RAB2A: variants seen among roughly 807,000 people sequenced by gnomAD.
The protein encoded by RAB2A is RAB2A, member RAS oncogene family, also known as ras-related protein Rab-2A.
A neutral mutation model predicts 32.5 loss-of-function variants in RAB2A; 7 were observed. The ratio of observed to expected loss-of-function variants is 0.22; its 90% CI spans 0.12 to 0.40. The LOEUF is 0.40. Ranked by LOEUF, RAB2A falls within the 10% of genes least tolerant of loss-of-function variation. RAB2A has a pLI of 1.00. For missense variants in RAB2A, 108 were observed against 260.7 expected, an observed-to-expected ratio of 0.41 and a Z score of 4.03; for synonymous variants, 79 against 85.2, an observed-to-expected ratio of 0.93 and a Z score of 0.40.
chr8:60,554,905 G>A (rs528569562), intron 1 of RAB2A, among the ~76,000 whole-genome samples: 5 of 152,246 alleles, frequency 3.3e-5, no homozygotes, highest in East Asian at 3.9e-4. Flanking sequence ...GACTGGATTC[G>A]TCCTCTCAAA....
At chr8:60,560,304 G>T (rs995932348) in intron 2 of RAB2A, among the ~76,000 whole-genome samples, 9 of 152,246 alleles carry the variant, frequency 5.9e-5, no homozygotes, top group African/African-American at 2.2e-4. Context: ...GCCCAAGCTG[G>T]TTTCGCACTC....
intron 7 of RAB2A, among the ~76,000 whole-genome samples, chr8:60,619,906 G>T (rs1804502851): frequency 6.6e-6 from 1 of 152,230 alleles, no homozygotes. Flanking sequence ...CATAGGGCAT[G>T]CTTTTTATTA....
At chr8:60,601,778 G>A (rs1403522463) in intron 6 of RAB2A, among the ~76,000 whole-genome samples, 2 of 152,180 alleles carry the variant, frequency 1.3e-5, no homozygotes, top group African/African-American at 4.8e-5. Context: ...TAAGTAAAAG[G>A]CATTTTTAGG....
At chr8:60,590,463 C>T (rs1279559623) in intron 5 of RAB2A, among the ~76,000 whole-genome samples, 1 of 147,992 alleles carries the variant, frequency 6.8e-6, no homozygotes, top group Non-Finnish European at 1.5e-5. Context: ...CATAGTGAGA[C>T]TTTGTCTCTG....
intron 1 of RAB2A, among the ~76,000 whole-genome samples, chr8:60,553,997 T>G (rs1307437627): frequency 2.6e-5 from 4 of 152,218 alleles, no homozygotes; most frequent in African/African-American, 7.2e-5. Context: ...GACAATGGTT[T>G]GTTGTTGCTA....
At chr8:60,612,779 T>C (rs1804373596) in intron 6 of RAB2A, among the ~76,000 whole-genome samples, 1 of 152,178 alleles carries the variant, frequency 6.6e-6, no homozygotes, top group Non-Finnish European at 1.5e-5. Flanking sequence ...AGAAACTGTA[T>C]GAGAGAAGTA....
At chr8:60,529,423 G>A (rs975203630) in intron 1 of RAB2A, among the ~76,000 whole-genome samples, 1 of 152,170 alleles carries the variant, frequency 6.6e-6, no homozygotes, top group Non-Finnish European at 1.5e-5. Flanking sequence ...GATTTTTCTT[G>A]TTCTTCTGTC....
intron 3 of RAB2A, among the ~76,000 whole-genome samples, chr8:60,578,923 G>A (rs1048424313): frequency 1.1e-4 from 17 of 152,198 alleles, no homozygotes; most frequent in African/African-American, 2.9e-4. Context: ...CAAATGTTCC[G>A]TGACTTTAAT....
chr8:60,620,182 T>C (rs905773319), intron 7 of RAB2A, among the ~76,000 whole-genome samples: 9 of 152,346 alleles, frequency 5.9e-5, no homozygotes, highest in Non-Finnish European at 1.0e-4. Context: ...AGAACTACTC[T>C]GTGTGTGGGT....
At chr8:60,590,702 A>G (rs1017150177) in intron 5 of RAB2A, among the ~76,000 whole-genome samples, 14 of 151,464 alleles carry the variant, frequency 9.2e-5, no homozygotes, top group African/African-American at 3.1e-4. Flanking sequence ...TTCATTCAGT[A>G]GACTGTAATT....
At chr8:60,578,074 T>G (rs1359919081) in intron 3 of RAB2A, among the ~76,000 whole-genome samples, 1 of 152,200 alleles carries the variant, frequency 6.6e-6, no homozygotes, top group Non-Finnish European at 1.5e-5. Context: ...TCTACATAGC[T>G]GGAGCTGTTT....
At chr8:60,542,571 C>G (rs1339945380) in intron 1 of RAB2A, among the ~76,000 whole-genome samples, 2 of 152,062 alleles carry the variant, frequency 1.3e-5, no homozygotes, top group Non-Finnish European at 2.9e-5. Context: ...GTAAGAGATA[C>G]TGACATATAG....
chr8:60,618,011 A>G lies in RAB2A; in HGVS notation c.475-569A>G, dbSNP rs1452092365. Reference sequence around the variant, plus strand: ...GTGTCTGCCTTCTTTCATTTAGCACAGTGTTTTCAAGGTTCATCCACATTG... The same window carrying G: ...GTGTCTGCCTTCTTTCATTTAGCACGGTGTTTTCAAGGTTCATCCACATTG... On this transcript the variant is annotated intron_variant, in intron 6 of 7. Coordinates refer to ENST00000262646, the MANE Select transcript of RAB2A (RefSeq NM_002865.3). Among the ~76,000 whole-genome samples the G allele has an allele frequency of 1.3e-5, 2 of 152,194 alleles. 1 individual carries two copies. Among genetic ancestry groups the G allele is most frequent in the Admixed American group, 1.3e-4 (2 of 15,288 alleles).
intron 1 of RAB2A, among the ~76,000 whole-genome samples, chr8:60,544,263 C>G (rs1205584155): frequency 2.6e-5 from 4 of 151,548 alleles, no homozygotes; most frequent in Non-Finnish European, 1.5e-5. Context: ...TGGTCTCGAA[C>G]TCCGGACCTC....
rs1041678112 is a variant in RAB2A, at chr8:60,528,032, C to G, written c.46+10779C>G. ...TTTTTCGGACTCCAAAGTTCATGCT[C>G]TCTTCCCCATATTACAGTTCCTGAT... On this transcript the variant is annotated intron_variant, in intron 1 of 7. Coordinates refer to ENST00000262646, the MANE Select transcript of RAB2A (RefSeq NM_002865.3). Among the ~76,000 whole-genome samples, 2 of 152,192 alleles carry G rather than the reference C, an allele frequency of 1.3e-5. 1 individual carries two copies. The highest frequency in any genetic ancestry group is 2.9e-5 in the Non-Finnish European group (2 of 68,032).
At chr8:60,544,908 A>G (rs759501998) in intron 1 of RAB2A, among the ~76,000 whole-genome samples, 40 of 151,432 alleles carry the variant, frequency 2.6e-4, no homozygotes, top group Non-Finnish European at 5.6e-4. Context: ...CAAAATGGCT[A>G]GTTTTTTTGT....
At chr8:60,562,782 C>T (rs1158340761) in intron 2 of RAB2A, among the ~76,000 whole-genome samples, 2 of 151,858 alleles carry the variant, frequency 1.3e-5, no homozygotes, top group Middle Eastern at 3.2e-3. Context: ...AAGTGAAAGC[C>T]GACCCAGTTG....
chr8:60,531,089 C>A (rs1807470303), intron 1 of RAB2A, among the ~76,000 whole-genome samples: 1 of 152,164 alleles, frequency 6.6e-6, no homozygotes, highest in Non-Finnish European at 1.5e-5. Context: ...TTACAGCTGT[C>A]TTTAAAATTT....
chr8:60,548,791 A>T (rs200234554), intron 1 of RAB2A, among the ~76,000 whole-genome samples: 1 of 128,152 alleles, frequency 7.8e-6, no homozygotes, highest in East Asian at 2.5e-4. Context: ...CCTCCCTCCC[A>T]GACGGGGCGG....
Sources: allele counts gnomAD v4.1 joint callset (sites outside exome capture counted in the v4.1 genomes callset), GRCh38; gene constraint gnomAD v4.1.1; transcripts MANE v1.5; gene names NCBI Gene and HGNC (gene_info 2026-07-23, HGNC 2026-07-21).